The following CNTFR variants were observed in gnomAD, a reference collection of about 807,000 sequenced individuals.
The protein encoded by CNTFR is ciliary neurotrophic factor receptor.
CNTFR carries 12 observed loss-of-function variants against 40.4 expected under a neutral mutation model. That is an observed-to-expected ratio of 0.30 (90% confidence interval 0.19 to 0.48). The LOEUF (loss-of-function observed/expected upper bound fraction) is 0.48. Ranked by LOEUF, CNTFR falls within the 20% of genes least tolerant of loss-of-function variation. The probability of loss-of-function intolerance (pLI) is 0.99; values close to 1 mark genes in which losing one functional copy is unlikely to be tolerated. For missense variants in CNTFR, 414 were observed against 506.8 expected (o/e 0.82, Z 1.76); for synonymous variants, 202 against 209.6 (o/e 0.96, Z 0.31).
At chr9:34,590,523 G>T (rs114220557), upstream of CNTFR, among the ~76,000 whole-genome samples, 3,243 of 152,324 alleles carry the variant, frequency 0.021, 109 homozygotes, top group African/African-American at 0.074. Flanking sequence ...GGGCTTCCTT[G>T]ACCGGGGATG....
intron 2 of CNTFR, among the ~76,000 whole-genome samples, chr9:34,575,712 T>TG (rs1826922794): frequency 1.0e-5 from 1 of 99,464 alleles, no homozygotes; most frequent in African/African-American, 4.0e-5. Flanking sequence ...CCCCGGGGGG[T>TG]GGGGGCAGCA....
chr9:34,575,460 G>A (rs886692639), intron 2 of CNTFR, among the ~76,000 whole-genome samples: 41 of 151,964 alleles, frequency 2.7e-4, no homozygotes, highest in Non-Finnish European at 3.1e-4. Flanking sequence ...GGCCCGAAGC[G>A]GACGCCGGGG....
At chr9:34,577,320 A>G (rs1407367511) in intron 2 of CNTFR, among the ~76,000 whole-genome samples, 1 of 152,242 alleles carries the variant, frequency 6.6e-6, no homozygotes, top group African/African-American at 2.4e-5. Context: ...CACGGAAGAC[A>G]GGCAGGACCT....
In CNTFR at chr9:34,552,635, G is replaced by T. The variant is rs1440188624; in HGVS notation, c.949+39C>A. 9 of 1,599,196 alleles carry T rather than the reference G, an allele frequency of 5.6e-6. No individual in the cohort carries two copies. In the East Asian group the frequency reaches 1.8e-4, roughly 32 times the overall value. On this transcript the variant is annotated intron_variant, in intron 8 of 9. Transcript: ENST00000378980. The surrounding 1 kb of genome is among the most constrained non-coding windows in gnomAD (Gnocchi z 5.1). ...CACAGGTTCTACCACAGGCCTCCAG[G>T]ACAGCAAAGCCAGGAGGTAGGGGCG...
intron 2 of CNTFR, among the ~76,000 whole-genome samples, chr9:34,572,931 AACACAGTG>A (rs1826749455): frequency 6.6e-6 from 1 of 152,238 alleles, no homozygotes; most frequent in Non-Finnish European, 1.5e-5. Flanking sequence ...CGGTGACATC[AACACAGTG>A]ACACAGCAAT....
intron 1 of CNTFR, among the ~76,000 whole-genome samples, chr9:34,581,435 C>T (rs1037749066): frequency 2.6e-5 from 4 of 152,190 alleles, no homozygotes; most frequent in Admixed American, 6.5e-5. Context: ...AGGCAGTGGC[C>T]TGATACAATA....
chr9:34,559,725 C>T (rs1039922473), intron 4 of CNTFR, among the ~76,000 whole-genome samples: 2 of 151,984 alleles, frequency 1.3e-5, no homozygotes, highest in East Asian at 1.9e-4. Context: ...CGAGGTCGGC[C>T]GAGAAGCCTC....
At chr9:34,553,689 C>T (rs750651549) in intron 7 of CNTFR, among the ~76,000 whole-genome samples, 4 of 152,166 alleles carry the variant, frequency 2.6e-5, no homozygotes, top group Non-Finnish European at 5.9e-5. Flanking sequence ...GGCATCGCCA[C>T]CCCACTCTCG....
At chr9:34,577,864 G>A (rs934369565) in intron 2 of CNTFR, among the ~76,000 whole-genome samples, 7 of 152,202 alleles carry the variant, frequency 4.6e-5, no homozygotes, top group African/African-American at 1.7e-4. Context: ...GCTTGGCAGG[G>A]GGAGCGCGCC....
At chr9:34,559,756 G>A (rs1051168839) in intron 4 of CNTFR, among the ~76,000 whole-genome samples, 7 of 152,006 alleles carry the variant, frequency 4.6e-5, no homozygotes, top group Non-Finnish European at 7.4e-5. Flanking sequence ...TCCTGCCACC[G>A]CTGGGGGTGG....
rs781380441 is a variant in CNTFR, at chr9:34,557,445, G to C, written c.604+81C>G. 3.3e-6 allele frequency: 5 copies of C among 1,502,362 alleles called. No individual in the cohort carries two copies. Among genetic ancestry groups the C allele is most frequent in the Non-Finnish European group, 4.6e-6 (5 of 1,097,036 alleles). The allele number at this position is 1,502,362 out of a possible 1,614,324, so 93.1% of individuals were successfully genotyped here. ...ATGCCATGTATACATGTGCATGCAT[G>C]TGGACATCCCCACCAATGGCACACA... On this transcript the variant is annotated intron_variant, in intron 6 of 9. Coordinates refer to ENST00000378980, the MANE Select transcript of CNTFR (RefSeq NM_147164.3). This position sits in a 1 kb window ranked among gnomAD's most constrained non-coding sequence, Gnocchi z 4.2.
intron 2 of CNTFR, among the ~76,000 whole-genome samples, chr9:34,575,907 G>A (rs773979965): frequency 3.3e-5 from 5 of 152,044 alleles, no homozygotes; most frequent in Admixed American, 6.5e-5. Flanking sequence ...GGGCAAGACC[G>A]AGCCATCCTT....
rs114808119 is a variant in CNTFR at position 34,588,607 on chromosome 9, C to T, written c.-112+948G>A. Among the ~76,000 whole-genome samples the T allele has an allele frequency of 3.1e-3, 478 of 152,204 alleles. 4 individuals are homozygous for T. Among genetic ancestry groups the T allele is most frequent in the Non-Finnish European group, 4.4e-3 (302 of 68,018 alleles). On this transcript the variant is annotated intron_variant, in intron 1 of 9. Transcript: ENST00000378980. Reference sequence around the variant, plus strand: ...GGCACACAGACACACACAGACGCTTCTCAAAAAGAGAGACTAGACGGAAAG... The same window carrying T: ...GGCACACAGACACACACAGACGCTTTTCAAAAAGAGAGACTAGACGGAAAG...
rs112591861 is a variant in CNTFR, at chr9:34,557,099, T to TGG, written c.604+425_604+426dup. On this transcript the variant is annotated intron_variant, in intron 6 of 9. Transcript: ENST00000378980. The surrounding 1 kb of genome is among the most constrained non-coding windows in gnomAD (Gnocchi z 4.2). Reference sequence around the variant, plus strand: ...GGGCAGGTAGAGGGTCTGGCTGGGATGGGGGGGGTCAGGGGGAGGGCAGTA... The same window carrying TGG: ...GGGCAGGTAGAGGGTCTGGCTGGGATGGGGGGGGGGTCAGGGGGAGGGCAGTA... Among the ~76,000 whole-genome samples the TGG allele has an allele frequency of 1.6e-3, 88 of 55,118 alleles. 1 individual carries two copies. The highest frequency in any genetic ancestry group is 7.0e-3 in the South Asian group (14 of 2,014). The allele number at this position is 55,118 out of a possible 152,430, so 36.2% of individuals were successfully genotyped here. A position where few individuals can be genotyped will look rare whatever the true frequency, so the allele number is the denominator to read the frequency against.
chr9:34,556,360 C>A lies in CNTFR; in HGVS notation c.663G>T (p.Arg221=), dbSNP rs760964358. 7 of 1,613,940 alleles carry A rather than the reference C, an allele frequency of 4.3e-6. No individual in the cohort carries two copies. The South Asian group carries it at 7.7e-5, about 18-fold the overall frequency. ...VARPVPSNPR[R]LEVTWQTPST... ...AGGGGGTCTGCCACGTCACCTCCAG[C>A]CGGCGAGGGTTGCTGGGCACTGGCC... The change falls in exon 7 of 10, where the codon CGG becomes CGT. Residue 221 remains arginine (R), a synonymous_variant. Transcript: ENST00000378980.
intron 3 of CNTFR, 110 bp downstream of exon 3, chr9:34,568,787 G>T: frequency 1.0e-6 from 1 of 966,316 alleles, no homozygotes. Flanking sequence ...GGTCATGTGT[G>T]ACAATGCCAG....
At chr9:34,569,496 G>T (rs72735289) in intron 2 of CNTFR, 3,649 of 155,224 alleles carry the variant, frequency 0.024, 61 homozygotes, top group Admixed American at 0.031. Context: ...TCAATTGGAG[G>T]TCTGTACTTC....
At chr9:34,570,662 AC>A (rs2132193464) in intron 2 of CNTFR, among the ~76,000 whole-genome samples, 1 of 152,286 alleles carries the variant, frequency 6.6e-6, no homozygotes, top group South Asian at 2.1e-4. Context: ...AGTCAGACAC[AC>A]TGCCAGAGAC....
At position 34,552,875 on chromosome 9, in the gene CNTFR, G is replaced by A; in HGVS notation, c.769-21C>T. 1.2e-6 allele frequency: 2 copies of A among 1,606,282 alleles called. No individual in the cohort carries two copies. Among genetic ancestry groups the A allele is most frequent in the South Asian group, 1.1e-5 (1 of 90,858 alleles). On this transcript the variant is annotated intron_variant, in intron 7 of 9. Transcript: ENST00000378980. This position sits in a 1 kb window ranked among gnomAD's most constrained non-coding sequence, Gnocchi z 5.1. The stretch of plus-strand genomic sequence containing the variant: ...TCCACCTGCAGCCAGACCATGGGGT[G>A]GGGGTAAGGACACACCTGGGGGCCA...
Sources: allele counts gnomAD v4.1 joint callset (sites outside exome capture counted in the v4.1 genomes callset), GRCh38; gene constraint gnomAD v4.1.1; non-coding constraint Gnocchi (gnomAD v3.1); transcripts MANE v1.5; gene names NCBI Gene and HGNC (gene_info 2026-07-23, HGNC 2026-07-21).